PTPRH: variants seen among roughly 807,000 people sequenced by gnomAD.
PTPRH encodes protein tyrosine phosphatase receptor type H, also known as receptor-type tyrosine-protein phosphatase H.
In PTPRH, 113 loss-of-function variants were observed where a neutral mutation model predicts 130.2. The ratio of observed to expected loss-of-function variants is 0.87; its 90% confidence interval spans 0.75 to 1.01. The LOEUF (loss-of-function observed/expected upper bound fraction) is 1.01. Among genes scored for constraint, PTPRH ranks in the 50% least tolerant of loss-of-function variants. PTPRH has a pLI of 0.00. For synonymous variants in PTPRH, 556 were observed against 577.9 expected, an observed-to-expected ratio of 0.96 and a Z score of 0.54; for missense variants, 1,430 against 1,425.0, an observed-to-expected ratio of 1.00 and a Z score of -0.06.
At chr19:55,200,107 T>C in intron 7 of PTPRH, 129 bp downstream of exon 7, 1 of 1,084,988 alleles carries the variant, frequency 9.2e-7, no homozygotes, top group Non-Finnish European at 1.3e-6. Flanking sequence ...ATCTGTCCTG[T>C]GGACTTGGAG....
chr19:55,200,174 C>A, intron 7 of PTPRH, 62 bp downstream of exon 7: 1 of 1,577,828 alleles, frequency 6.3e-7, no homozygotes, highest in Non-Finnish European at 8.6e-7. Flanking sequence ...AGAGGTGCCA[C>A]GCCGCTCCTG....
At chr19:55,187,926 T>C (rs2086409728) in intron 13 of PTPRH, 152 bp downstream of exon 13, 5 of 634,842 alleles carry the variant, frequency 7.9e-6, no homozygotes, top group Admixed American at 5.3e-5. Flanking sequence ...AGTGGAAAGA[T>C]AACATGGCTG....
intron 10 of PTPRH, chr19:55,194,345 C>G: frequency 7.9e-7 from 1 of 1,260,358 alleles, no homozygotes; most frequent in Non-Finnish European, 1.0e-6. Flanking sequence ...GTCTTACAAC[C>G]TGTACGGGAG....
intron 3 of PTPRH, among the ~76,000 whole-genome samples, chr19:55,205,986 A>T (rs1251712252): frequency 6.6e-6 from 1 of 152,086 alleles, no homozygotes; most frequent in African/African-American, 2.4e-5. Flanking sequence ...TAATCCCCGC[A>T]CTTTGGGAGG....
chr19:55,201,846 A>T (rs1690327423), intron 6 of PTPRH, among the ~76,000 whole-genome samples: 1 of 152,228 alleles, frequency 6.6e-6, no homozygotes. Flanking sequence ...AGAGAGTCCT[A>T]GACACAGACT....
intron 5 of PTPRH, 76 bp downstream of exon 5, chr19:55,203,706 A>G (rs117930841): frequency 4.2e-5 from 63 of 1,489,252 alleles, no homozygotes; most frequent in Middle Eastern, 4.1e-4. Context: ...AACCTGTCAC[A>G]TTTTGTCAGC....
chr19:55,203,769 G>A lies in PTPRH; in HGVS notation c.886+13C>T, dbSNP rs369006762. The A allele has an allele frequency of 3.1e-5, 50 of 1,589,358 alleles. No homozygotes were observed. Among genetic ancestry groups the A allele is most frequent in the Non-Finnish European group, 3.6e-5 (42 of 1,162,314 alleles). On this transcript the variant is annotated intron_variant, in intron 5 of 19. Coordinates refer to ENST00000376350, the MANE Select transcript of PTPRH (RefSeq NM_002842.5). ...ATAAAAGAAATAAAAATAAAACAGCGGCTGCCTCTTACCTGTGGCACTAGT... is the reference window on the plus strand; with the variant it reads ...ATAAAAGAAATAAAAATAAAACAGCAGCTGCCTCTTACCTGTGGCACTAGT...
At chr19:55,201,634 G>C (rs1371827289) in intron 6 of PTPRH, among the ~76,000 whole-genome samples, 1 of 152,222 alleles carries the variant, frequency 6.6e-6, no homozygotes, top group Non-Finnish European at 1.5e-5. Context: ...ACAGGGAGCT[G>C]TCCACATCAG....
In PTPRH at chr19:55,205,653, C is replaced by T. The variant is rs144248953; in HGVS notation, c.353-61G>A. ...TTTCTGGCCCTCAAACTTTCCAGCC[C>T]TTCCTTAACCGTTGCATCCAGCAGG... On this transcript the variant is annotated intron_variant, in intron 3 of 19. Coordinates refer to ENST00000376350, the MANE Select transcript of PTPRH (RefSeq NM_002842.5). The T allele has an allele frequency of 1.9e-6, 3 of 1,593,468 alleles. No homozygotes were observed. In the East Asian group the frequency reaches 6.7e-5, roughly 36 times the overall value.
At chr19:55,192,776 C>A (rs1244685257) in intron 10 of PTPRH, among the ~76,000 whole-genome samples, 1 of 151,732 alleles carries the variant, frequency 6.6e-6, no homozygotes, top group African/African-American at 2.4e-5. Context: ...TGGTCCTGAT[C>A]TCCTGACCTC....
intron 13 of PTPRH, 116 bp from the exon 14 acceptor site, chr19:55,187,719 C>A (rs2288526): frequency 3.7e-5 from 28 of 747,770 alleles, no homozygotes; most frequent in Non-Finnish European, 6.6e-5. Flanking sequence ...TCGTTGCACC[C>A]TGAGATTATA....
Position 55,188,124 on chromosome 19 carries a change from C to G in PTPRH, c.2429G>C (p.Arg810Thr), listed in dbSNP as rs768324789. The change falls in exon 13 of 20, where the codon AGG becomes ACG. Residue 810 changes from arginine (R) to threonine (T), a missense_variant. By Grantham distance (71) the Arg-to-Thr change is moderately conservative. Coordinates refer to ENST00000376350, the MANE Select transcript of PTPRH (RefSeq NM_002842.5). ...IPAEDFADHVRKNERDSNCGF... is the reference protein window; with the variant it reads ...IPAEDFADHVTKNERDSNCGF... ...ACAGTTGCTGTCCCTCTCATTCTTC[C>G]TGACGTGGTCAGCGAAGTCTTCAGC... The G allele has an allele frequency of 1.2e-6, 2 of 1,614,158 alleles. No homozygotes were observed. Among genetic ancestry groups the G allele is most frequent in the South Asian group, 2.2e-5 (2 of 91,086 alleles).
intron 1 of PTPRH, 140 bp from the exon 2 acceptor site, chr19:55,207,339 C>G (rs957883955): frequency 2.3e-6 from 2 of 851,276 alleles, no homozygotes; most frequent in African/African-American, 3.4e-5. Flanking sequence ...TTAGGCTGGG[C>G]TGTCACGACC....
chr19:55,194,666 T>C (rs1442271862), intron 10 of PTPRH, among the ~76,000 whole-genome samples: 1 of 152,164 alleles, frequency 6.6e-6, no homozygotes, highest in African/African-American at 2.4e-5. Context: ...CATTGATTAC[T>C]GCAAGATGAT....
intron 16 of PTPRH, 97 bp from the exon 17 acceptor site, chr19:55,186,081 G>A: frequency 6.3e-7 from 1 of 1,594,368 alleles, no homozygotes; most frequent in African/African-American, 1.3e-5. Flanking sequence ...ATGGGCTGGG[G>A]GGAGAGTGGG....
chr19:55,208,945 TG>T (rs2087156373), intron 1 of PTPRH, among the ~76,000 whole-genome samples: 1 of 91,542 alleles, frequency 1.1e-5, no homozygotes, highest in Non-Finnish European at 2.2e-5. Flanking sequence ...TCTGGACTCC[TG>T]GGTCTGAGGG....
Position 55,197,109 on chromosome 19 carries a change from A to C in PTPRH, c.1990+8T>G, listed in dbSNP as rs1477297245. Reference sequence around the variant, plus strand: ...TTCACCACTTGAAGGCAGGAAGGGGATTCTCACATGTGGACGCACAGAGGC... The same window carrying C: ...TTCACCACTTGAAGGCAGGAAGGGGCTTCTCACATGTGGACGCACAGAGGC... On this transcript the variant is annotated splice_region_variant and intron_variant, in intron 9 of 19. Coordinates refer to ENST00000376350, the MANE Select transcript of PTPRH (RefSeq NM_002842.5). The C allele has an allele frequency of 6.2e-7, 1 of 1,612,296 alleles. No individual in the cohort carries two copies. The highest frequency in any genetic ancestry group is 1.1e-5 in the South Asian group (1 of 91,060).
At position 55,203,765 on chromosome 19, in the gene PTPRH, C is replaced by T. The variant is rs201983456; in HGVS notation, c.886+17G>A. 1,660 of 1,587,686 alleles carry T rather than the reference C, an allele frequency of 1.0e-3. 25 individuals are homozygous for T. Among genetic ancestry groups the T allele is most frequent in the Non-Finnish European group, 2.2e-4 (250 of 1,161,906 alleles). On this transcript the variant is annotated intron_variant, in intron 5 of 19. Transcript: ENST00000376350. Reference sequence around the variant, plus strand: ...CCTTATAAAAGAAATAAAAATAAAACAGCGGCTGCCTCTTACCTGTGGCAC... The same window carrying T: ...CCTTATAAAAGAAATAAAAATAAAATAGCGGCTGCCTCTTACCTGTGGCAC...
chr19:55,191,494 T>A lies in PTPRH; in HGVS notation c.2384+7A>T, dbSNP rs2086533878. 1 of 1,613,980 alleles carries A rather than the reference T, an allele frequency of 6.2e-7. No individual in the cohort carries two copies. The highest frequency in any genetic ancestry group is 8.5e-7 in the Non-Finnish European group (1 of 1,179,988). The stretch of plus-strand genomic sequence containing the variant: ...TTTCCAATGCACCCCCCAGACCTTC[T>A]GCTCACCTAAAGACCAGATCCCTGA... On this transcript the variant is annotated splice_region_variant and intron_variant, in intron 12 of 19. Coordinates refer to ENST00000376350, the MANE Select transcript of PTPRH (RefSeq NM_002842.5).
Sources: gnomAD v4.1 joint callset for allele counts (sites outside exome capture counted in the v4.1 genomes callset) on GRCh38, gnomAD v4.1.1 for gene constraint, MANE v1.5 for transcripts, NCBI Gene and HGNC (gene_info 2026-07-23, HGNC 2026-07-21) for gene names.